PARD3B: variants seen among roughly 807,000 people sequenced by gnomAD.
PARD3B encodes partitioning defective 3 homolog B.
A neutral mutation model predicts 130.2 loss-of-function variants in PARD3B; 103 were observed. The ratio of observed to expected loss-of-function variants is 0.79; its 90% confidence interval spans 0.67 to 0.93. The LOEUF is 0.93. PARD3B is among the 40% of genes least tolerant of loss of function. The pLI, the probability that PARD3B is intolerant of heterozygous loss-of-function variation, is 0.00. For synonymous variants in PARD3B, 583 were observed against 553.2 expected (o/e 1.05, Z -0.76); for missense variants, 1,609 against 1,499.2 (o/e 1.07, Z -1.21).
intron 20 of PARD3B, among the ~76,000 whole-genome samples, chr2:205,491,383 G>C (rs1261413855): frequency 6.6e-6 from 1 of 152,098 alleles, no homozygotes; most frequent in Non-Finnish European, 1.5e-5. Context: ...CCCATTTCTT[G>C]TTTTTGTCAG....
intron 2 of PARD3B, among the ~76,000 whole-genome samples, chr2:204,803,056 T>C (rs1474387325): frequency 6.7e-6 from 1 of 149,508 alleles, no homozygotes; most frequent in African/African-American, 2.5e-5. Flanking sequence ...GAAAATGCAG[T>C]TGTGCTCCAG....
intron 22 of PARD3B, among the ~76,000 whole-genome samples, chr2:205,578,164 C>T (rs1312716516): frequency 6.6e-6 from 1 of 152,158 alleles, no homozygotes; most frequent in African/African-American, 2.4e-5. Flanking sequence ...ACATCTGCCC[C>T]AGGAATTGAT....
At chr2:205,184,991 T>C (rs568340402) in intron 13 of PARD3B, among the ~76,000 whole-genome samples, 154 of 152,102 alleles carry the variant, frequency 1.0e-3, no homozygotes, top group Non-Finnish European at 2.0e-3. Context: ...CACTAGGGAA[T>C]ATGGTTAGTA....
At chr2:204,924,085 A>G (rs559231324) in intron 2 of PARD3B, among the ~76,000 whole-genome samples, 2 of 152,202 alleles carry the variant, frequency 1.3e-5, no homozygotes, top group East Asian at 3.9e-4. Context: ...GTGAAATAGG[A>G]TCTTGAGCAA....
chr2:205,379,837 A>G (rs963211489), intron 18 of PARD3B, among the ~76,000 whole-genome samples: 1 of 151,946 alleles, frequency 6.6e-6, no homozygotes, highest in Non-Finnish European at 1.5e-5. Flanking sequence ...TGTGAGGCCA[A>G]AGCGGGTGGA....
At chr2:205,067,815 A>G (rs78556276) in intron 4 of PARD3B, among the ~76,000 whole-genome samples, 9,710 of 152,226 alleles carry the variant, frequency 0.064, 340 homozygotes, top group Middle Eastern at 0.18. Flanking sequence ...CCATGAATAC[A>G]TTTTCTAATA....
At chr2:204,883,438 T>TATATATAATATATATATATATAAA (rs1559226433) in intron 2 of PARD3B, among the ~76,000 whole-genome samples, 2 of 103,242 alleles carry the variant, frequency 1.9e-5, no homozygotes, top group African/African-American at 4.5e-5. Flanking sequence ...ATATAAAATA[T>TATATATAATATATATATATATAAA]ATATATATAT....
intron 2 of PARD3B, among the ~76,000 whole-genome samples, chr2:204,708,894 A>G (rs1300026452): frequency 3.3e-5 from 5 of 152,212 alleles, no homozygotes; most frequent in African/African-American, 1.2e-4. Context: ...AACAGCTTTA[A>G]ATTGTCCACC....
At chr2:205,524,928 T>C (rs2051269282) in intron 21 of PARD3B, among the ~76,000 whole-genome samples, 1 of 152,296 alleles carries the variant, frequency 6.6e-6, no homozygotes, top group Admixed American at 6.5e-5. Flanking sequence ...CGGTTGGTCA[T>C]TTCAGCCAGA....
intron 14 of PARD3B, among the ~76,000 whole-genome samples, chr2:205,190,745 A>G (rs1331191276): frequency 6.6e-6 from 1 of 152,204 alleles, no homozygotes; most frequent in Admixed American, 6.5e-5. Flanking sequence ...TCTTTCTGAC[A>G]CTAAACCCAC....
intron 15 of PARD3B, among the ~76,000 whole-genome samples, chr2:205,214,653 G>C (rs1306440281): frequency 6.6e-6 from 1 of 151,988 alleles, no homozygotes; most frequent in Non-Finnish European, 1.5e-5. Context: ...TTTAATCAAA[G>C]AGCTTAATAA....
At chr2:205,519,936 T>TTGTGGCTTCCCC (rs1408986014) in intron 21 of PARD3B, among the ~76,000 whole-genome samples, 1 of 152,104 alleles carries the variant, frequency 6.6e-6, no homozygotes, top group Non-Finnish European at 1.5e-5. Context: ...TTGCTTGGTT[T>TTGTGGCTTCCCC]TGTGGCTTCC....
At chr2:205,077,780 G>T (rs1701162864) in intron 4 of PARD3B, among the ~76,000 whole-genome samples, 2 of 152,074 alleles carry the variant, frequency 1.3e-5, no homozygotes, top group South Asian at 4.1e-4. Context: ...TGAGCATTAA[G>T]AAATAGCACT....
At position 205,263,433 on chromosome 2, in the gene PARD3B, A is replaced by C. The variant is rs1397556271; in HGVS notation, c.2185+17611A>C. 6.6e-6 allele frequency among the ~76,000 whole-genome samples: 1 copy of C among 151,254 alleles called. No homozygotes were observed. Among genetic ancestry groups the C allele is most frequent in the East Asian group, 1.9e-4 (1 of 5,152 alleles). ...AGTTTCCCTTTATCATTTAAATAGC[A>C]AACAGAATGAACATTTTAAAGTAAA... On this transcript the variant is annotated intron_variant, in intron 16 of 22. Transcript: ENST00000406610. The surrounding 1 kb of genome is among the most constrained non-coding windows in gnomAD (Gnocchi z 4.0).
chr2:205,095,278 A>T (rs1183983283), intron 4 of PARD3B, among the ~76,000 whole-genome samples: 2 of 152,172 alleles, frequency 1.3e-5, no homozygotes, highest in Admixed American at 6.6e-5. Context: ...ATCCAATTAT[A>T]AATAGAAATT....
At chr2:205,485,629 A>C (rs1286245774) in intron 20 of PARD3B, among the ~76,000 whole-genome samples, 1 of 152,098 alleles carries the variant, frequency 6.6e-6, no homozygotes, top group African/African-American at 2.4e-5. Flanking sequence ...TGCTGGCCCT[A>C]CTTGCAATTC....
intron 2 of PARD3B, among the ~76,000 whole-genome samples, chr2:204,794,086 G>C (rs2042287546): frequency 6.6e-6 from 1 of 152,130 alleles, no homozygotes; most frequent in Non-Finnish European, 1.5e-5. Flanking sequence ...TACAGTTACA[G>C]GTAGTTAGTA....
At chr2:205,062,685 GA>G (rs530823719) in intron 4 of PARD3B, among the ~76,000 whole-genome samples, 4 of 151,642 alleles carry the variant, frequency 2.6e-5, no homozygotes, top group South Asian at 2.1e-4. Context: ...CAAATGAAAA[GA>G]AAAAAAGAAT....
At chr2:204,597,476 G>C (rs1465461771) in intron 1 of PARD3B, among the ~76,000 whole-genome samples, 2 of 152,120 alleles carry the variant, frequency 1.3e-5, no homozygotes, top group East Asian at 3.9e-4. Flanking sequence ...ATGTAGCCTA[G>C]AATATGGAGA....
Sources: gnomAD v4.1 joint callset for allele counts (sites outside exome capture counted in the v4.1 genomes callset) on GRCh38, gnomAD v4.1.1 for gene constraint, Gnocchi (gnomAD v3.1) non-coding constraint, MANE v1.5 for transcripts, NCBI Gene and HGNC (gene_info 2026-07-23, HGNC 2026-07-21) for gene names.